Variants in CLASP2 observed in about 807,000 individuals in gnomAD.
CLASP2 encodes the protein cytoplasmic linker associated protein 2.
A neutral mutation model predicts 194.4 loss-of-function variants in CLASP2; 47 were observed. The ratio of observed to expected loss-of-function variants is 0.24; its 90% CI spans 0.19 to 0.31. The LOEUF (loss-of-function observed/expected upper bound fraction) is 0.31. Ranked by LOEUF, CLASP2 falls within the 10% of genes least tolerant of loss-of-function variation. The pLI, the probability that CLASP2 is intolerant of heterozygous loss-of-function variation, is 1.00. For synonymous variants in CLASP2, 619 were observed against 633.5 expected, an observed-to-expected ratio of 0.98 and a Z score of 0.34; for missense variants, 1,445 against 1,823.6, an observed-to-expected ratio of 0.79 and a Z score of 3.78.
At chr3:33,528,840 TAGAC>T (rs1476640176) in intron 34 of CLASP2, among the ~76,000 whole-genome samples, 4 of 152,096 alleles carry the variant, frequency 2.6e-5, no homozygotes, top group South Asian at 4.2e-4. Context: ...GAGAGGTCGA[TAGAC>T]AGATAAAGGG....
At chr3:33,512,950 C>T (rs2050334112) in intron 36 of CLASP2, among the ~76,000 whole-genome samples, 1 of 152,060 alleles carries the variant, frequency 6.6e-6, no homozygotes, top group Non-Finnish European at 1.5e-5. Flanking sequence ...AAGATCGTGC[C>T]ACTGCACTCC....
intron 1 of CLASP2, among the ~76,000 whole-genome samples, chr3:33,708,490 GTATA>G (rs149383675): frequency 0.023 from 2,940 of 128,214 alleles, 107 homozygotes; most frequent in African/African-American, 0.076. Flanking sequence ...GTGTGTGTAT[GTATA>G]TATATATATA....
intron 21 of CLASP2, among the ~76,000 whole-genome samples, chr3:33,586,525 G>A (rs1018523389): frequency 4.6e-5 from 7 of 151,932 alleles, no homozygotes; most frequent in South Asian, 2.1e-4. Flanking sequence ...GACTGTGCAT[G>A]GGTTTAAAAA....
At chr3:33,528,947 C>G (rs1440954716) in intron 34 of CLASP2, among the ~76,000 whole-genome samples, 1 of 152,126 alleles carries the variant, frequency 6.6e-6, no homozygotes, top group African/African-American at 2.4e-5. Context: ...CCAAAAGCTC[C>G]TCAAGCTGAT....
intron 14 of CLASP2, 35 bp downstream of exon 14, chr3:33,608,532 G>C: frequency 6.5e-7 from 1 of 1,528,782 alleles, no homozygotes; most frequent in Admixed American, 1.7e-5. Flanking sequence ...TGACAATGGG[G>C]AGGAAAGTGG....
chr3:33,699,673 T>C (rs1575677150), intron 1 of CLASP2, among the ~76,000 whole-genome samples: 6 of 152,230 alleles, frequency 3.9e-5, no homozygotes, highest in Admixed American at 3.9e-4. Context: ...TATATACCTA[T>C]GATAAAGTTT....
intron 1 of CLASP2, among the ~76,000 whole-genome samples, chr3:33,713,098 A>T (rs1160897226): frequency 6.6e-6 from 1 of 151,808 alleles, no homozygotes; most frequent in African/African-American, 2.4e-5. Flanking sequence ...TAGTGGCAGC[A>T]TTTACAACCA....
chr3:33,717,403 C>T (rs1210946793), intron 1 of CLASP2, among the ~76,000 whole-genome samples: 1 of 151,852 alleles, frequency 6.6e-6, no homozygotes, highest in East Asian at 1.9e-4. Context: ...GGACGCGGGA[C>T]CCCCCTGTTT....
chr3:33,645,091 CA>C, intron 7 of CLASP2, 188 bp from the exon 8 acceptor site: 2 of 667,178 alleles, frequency 3.0e-6, no homozygotes, highest in Non-Finnish European at 5.3e-6. Context: ...CTCTGTAATT[CA>C]AAATCAAAAT....
chr3:33,673,384 G>A (rs1048745896), intron 6 of CLASP2, among the ~76,000 whole-genome samples: 14 of 152,238 alleles, frequency 9.2e-5, no homozygotes, highest in South Asian at 2.1e-4. Context: ...TTACAGACAA[G>A]CAAATGCTGA....
intron 37 of CLASP2, chr3:33,502,433 T>C (rs1026001728): frequency 8.5e-5 from 13 of 152,236 alleles, no homozygotes; most frequent in African/African-American, 3.1e-4. Flanking sequence ...ATCATTTCTT[T>C]GTGGTAACAT....
In CLASP2 at chr3:33,573,363, C is replaced by T; in HGVS notation, c.2455-9G>A. On this transcript the variant is annotated splice_polypyrimidine_tract_variant and intron_variant, in intron 24 of 38. Coordinates refer to ENST00000682230, the MANE Select transcript of CLASP2 (RefSeq NM_001365631.1). ...CTTCGAGCTGGTTTTTTCTGTTATA[C>T]ATCAAGAATCTCATTAGCAGTAGCC... 1 of 1,612,528 alleles carries T rather than the reference C, an allele frequency of 6.2e-7. No homozygotes were observed. Among genetic ancestry groups the T allele is most frequent in the Non-Finnish European group, 8.5e-7 (1 of 1,179,048 alleles).
chr3:33,709,584 T>C (rs968888432), intron 1 of CLASP2, among the ~76,000 whole-genome samples: 1 of 152,082 alleles, frequency 6.6e-6, no homozygotes. Context: ...GCTTTGAAGA[T>C]GGAGAAAGAC....
chr3:33,600,021 A>G (rs1314055626), intron 18 of CLASP2, among the ~76,000 whole-genome samples: 1 of 152,188 alleles, frequency 6.6e-6, no homozygotes. Context: ...CTTTAAATAC[A>G]GTATTTTTCT....
At chr3:33,546,029 T>C (rs1376639353) in intron 30 of CLASP2, among the ~76,000 whole-genome samples, 1 of 152,234 alleles carries the variant, frequency 6.6e-6, no homozygotes, top group Non-Finnish European at 1.5e-5. Context: ...CTATTAATAT[T>C]TGCAGTTTGA....
chr3:33,661,630 C>G (rs562024750), intron 7 of CLASP2, among the ~76,000 whole-genome samples: 1 of 152,250 alleles, frequency 6.6e-6, no homozygotes, highest in African/African-American at 2.4e-5. Flanking sequence ...GAAAAGATAA[C>G]AGGGTTTCAT....
At chr3:33,706,595 A>G (rs957937270) in intron 1 of CLASP2, among the ~76,000 whole-genome samples, 4 of 152,238 alleles carry the variant, frequency 2.6e-5, no homozygotes, top group Non-Finnish European at 5.9e-5. Context: ...AGAAGACAGA[A>G]GTAAAAACTG....
intron 7 of CLASP2, chr3:33,658,975 A>C (rs1241673891): frequency 1.3e-6 from 2 of 1,535,746 alleles, no homozygotes; most frequent in Non-Finnish European, 1.7e-6. Flanking sequence ...CTTACTCACC[A>C]TCTCCCATAG....
chr3:33,507,885 C>T (rs1485809369), intron 37 of CLASP2, among the ~76,000 whole-genome samples: 1 of 151,990 alleles, frequency 6.6e-6, no homozygotes, highest in Non-Finnish European at 1.5e-5. Flanking sequence ...CCTGCCGCAA[C>T]ATCTTTTTAC....
Sources: allele counts gnomAD v4.1 joint callset (sites outside exome capture counted in the v4.1 genomes callset), GRCh38; gene constraint gnomAD v4.1.1; transcripts MANE v1.5; gene names NCBI Gene and HGNC (gene_info 2026-07-23, HGNC 2026-07-21).